HACL2: variants seen among roughly 807,000 people sequenced by gnomAD.
HACL2 encodes the protein 2-hydroxyacyl-CoA lyase 2.
chr19:15,125,153 C>G, the HACL2 span: 1 of 1,321,024 alleles, frequency 7.6e-7, no homozygotes, highest in Non-Finnish European at 1.0e-6. Flanking sequence ...GCAGCAGGAT[C>G]CAGGGCCACG....
the HACL2 span, chr19:15,115,308 C>T: frequency 1.2e-6 from 2 of 1,614,200 alleles, no homozygotes; most frequent in Non-Finnish European, 1.7e-6. Flanking sequence ...ATGTTGACCA[C>T]AACCGGGTGG....
chr19:15,123,928 G>T, the HACL2 span: 1 of 285,612 alleles, frequency 3.5e-6, no homozygotes, highest in Non-Finnish European at 6.6e-6. The surrounding 1 kb of genome is among the most constrained non-coding windows in gnomAD (Gnocchi z 5.1). Context: ...TATAACCCAG[G>T]GGGTTTGGCC....
chr19:15,116,697 A>G, the HACL2 span: 1 of 595,012 alleles, frequency 1.7e-6, no homozygotes, highest in Non-Finnish European at 3.0e-6. Context: ...TGCCAGAACC[A>G]GGGGAGGGCA....
chr19:15,121,544 A>G, the HACL2 span, among the ~76,000 whole-genome samples: 8 of 152,228 alleles, frequency 5.3e-5, no homozygotes, highest in Non-Finnish European at 1.2e-4. Context: ...GGCCAGGCGC[A>G]GTGGCTCATG....
chr19:15,119,429 G>A, the HACL2 span: 754 of 1,614,134 alleles, frequency 4.7e-4, 5 homozygotes, highest in African/African-American at 7.4e-3. Context: ...GAAGCTTGTC[G>A]GCAGACGTTG....
At chr19:15,123,301 G>A in the HACL2 span, 1 of 1,605,766 alleles carries the variant, frequency 6.2e-7, no homozygotes, top group Non-Finnish European at 8.5e-7. This position sits in a 1 kb window ranked among gnomAD's most constrained non-coding sequence, Gnocchi z 5.1. Flanking sequence ...TTCCACCTCT[G>A]AAAAACCCCT....
At chr19:15,122,852 T>A in the HACL2 span, 1 of 1,612,640 alleles carries the variant, frequency 6.2e-7, no homozygotes, top group Non-Finnish European at 8.5e-7. This position sits in a 1 kb window ranked among gnomAD's most constrained non-coding sequence, Gnocchi z 4.0. Context: ...CCCCAGCCCC[T>A]CGGCCCCAGC....
At chr19:15,123,511 C>T in the HACL2 span, 3 of 1,614,066 alleles carry the variant, frequency 1.9e-6, no homozygotes, top group South Asian at 3.3e-5. The surrounding 1 kb of genome is among the most constrained non-coding windows in gnomAD (Gnocchi z 5.1). Context: ...AGATGAACCG[C>T]ACACCATGGG....
the HACL2 span, chr19:15,122,893 TG>T: frequency 1.2e-6 from 2 of 1,610,926 alleles, no homozygotes. The surrounding 1 kb of genome is among the most constrained non-coding windows in gnomAD (Gnocchi z 4.0). Context: ...TCCACCTACC[TG>T]GGGTGCCCGA....
At chr19:15,123,329 A>G in the HACL2 span, 1 of 1,606,664 alleles carries the variant, frequency 6.2e-7, no homozygotes, top group African/African-American at 1.3e-5. The surrounding 1 kb of genome is among the most constrained non-coding windows in gnomAD (Gnocchi z 5.1). Flanking sequence ...CAGACACTCT[A>G]GCCCACAGTC....
chr19:15,117,780 G>A, the HACL2 span: 1 of 1,394,774 alleles, frequency 7.2e-7, no homozygotes, highest in East Asian at 2.3e-5. Flanking sequence ...GCAAGGTCTG[G>A]GCCTCAATCA....
At chr19:15,122,936 G>A in the HACL2 span, 4 of 1,606,418 alleles carry the variant, frequency 2.5e-6, no homozygotes, top group Non-Finnish European at 2.5e-6. This position sits in a 1 kb window ranked among gnomAD's most constrained non-coding sequence, Gnocchi z 4.0. Flanking sequence ...CCTCAGGGTG[G>A]GCACAATGTC....
the HACL2 span, among the ~76,000 whole-genome samples, chr19:15,121,395 C>T: frequency 6.6e-6 from 1 of 152,068 alleles, no homozygotes; most frequent in African/African-American, 2.4e-5. Context: ...GAACCTGGCA[C>T]ATGGCTGCCG....
At chr19:15,117,569 C>T in the HACL2 span, 1 of 234,592 alleles carries the variant, frequency 4.3e-6, no homozygotes, top group African/African-American at 2.2e-5. Flanking sequence ...CCCAGCTACT[C>T]AGGAGGCTGA....
At chr19:15,123,727 C>T in the HACL2 span, 3 of 631,658 alleles carry the variant, frequency 4.7e-6, no homozygotes, top group African/African-American at 3.6e-5. The surrounding 1 kb of genome is among the most constrained non-coding windows in gnomAD (Gnocchi z 5.1). Context: ...TATTATACTA[C>T]ATGCCAGGCT....
At chr19:15,120,595 A>G in the HACL2 span, among the ~76,000 whole-genome samples, 1 of 152,182 alleles carries the variant, frequency 6.6e-6, no homozygotes, top group Non-Finnish European at 1.5e-5. Flanking sequence ...CAGGGCCCCA[A>G]CTTTCCTGAA....
the HACL2 span, chr19:15,117,906 G>A: frequency 6.2e-7 from 1 of 1,614,076 alleles, no homozygotes; most frequent in East Asian, 2.2e-5. Flanking sequence ...GGGGCTTCCA[G>A]AAGATGTCTG....
At chr19:15,118,422 G>A in the HACL2 span, among the ~76,000 whole-genome samples, 1 of 152,138 alleles carries the variant, frequency 6.6e-6, no homozygotes. Context: ...GCCAAGGAAT[G>A]TGCTCTCTGT....
chr19:15,122,736 G>A, the HACL2 span: 28 of 1,614,176 alleles, frequency 1.7e-5, no homozygotes, highest in East Asian at 2.2e-5. This position sits in a 1 kb window ranked among gnomAD's most constrained non-coding sequence, Gnocchi z 4.0. Flanking sequence ...GGCTTGGCTG[G>A]CACCATCTCC....
Sources: allele counts gnomAD v4.1 joint callset (sites outside exome capture counted in the v4.1 genomes callset), GRCh38; gene constraint gnomAD v4.1.1; non-coding constraint Gnocchi (gnomAD v3.1); transcripts MANE v1.5; gene names NCBI Gene and HGNC (gene_info 2026-07-23, HGNC 2026-07-21).